Variants in EXOC4 observed in about 807,000 individuals in gnomAD.
EXOC4 encodes exocyst complex component 4, also known as SEC8-like 1.
A neutral mutation model predicts 107.2 loss-of-function variants in EXOC4; 71 were observed. The observed-to-expected ratio is 0.66, with a 90% CI of 0.55 to 0.81. The LOEUF (loss-of-function observed/expected upper bound fraction) is 0.81, where lower values mean the gene tolerates loss of function less well. Ranked by LOEUF, EXOC4 falls within the 30% of genes least tolerant of loss-of-function variation. The probability of loss-of-function intolerance (pLI) is 0.00; values close to 1 mark genes in which losing one functional copy is unlikely to be tolerated. For synonymous variants in EXOC4, 456 were observed against 441.2 expected (o/e 1.03, Z -0.42); for missense variants, 1,108 against 1,189.6 (o/e 0.93, Z 1.01).
At chr7:133,589,058 T>C (rs1801479358) in intron 9 of EXOC4, among the ~76,000 whole-genome samples, 1 of 152,110 alleles carries the variant, frequency 6.6e-6, no homozygotes, top group Non-Finnish European at 1.5e-5. Flanking sequence ...ATATAAACTT[T>C]ATTTCTCAAC....
At position 133,997,545 on chromosome 7, in the gene EXOC4, G is replaced by A. The variant is rs983563008; in HGVS notation, c.2260G>A (p.Glu754Lys). The A allele has an allele frequency of 6.2e-7, 1 of 1,613,786 alleles. No homozygotes were observed. The highest frequency in any genetic ancestry group is 8.5e-7 in the Non-Finnish European group (1 of 1,179,826). Residue 754 changes from glutamate to lysine, a missense_variant, in exon 15 of 18, where the codon GAG (glutamate) becomes AAG (lysine). Coordinates refer to ENST00000253861, the MANE Select transcript of EXOC4 (RefSeq NM_021807.4). ...HTNTDLPPVS[E>K]QIMQTLSELA... ...GAACACGGATCTCCCCCCAGTGTCAGAGCAGATCATGCAGACTCTCAGTGA... is the reference window on the plus strand; with the variant it reads ...GAACACGGATCTCCCCCCAGTGTCAAAGCAGATCATGCAGACTCTCAGTGA...
intron 14 of EXOC4, among the ~76,000 whole-genome samples, chr7:133,986,152 A>G (rs552480951): frequency 6.6e-6 from 1 of 152,366 alleles, no homozygotes; most frequent in South Asian, 2.1e-4. Flanking sequence ...TGCAATCAGA[A>G]TATCAATGAG....
intron 10 of EXOC4, among the ~76,000 whole-genome samples, chr7:133,810,533 A>G (rs1797196501): frequency 1.3e-5 from 2 of 152,132 alleles, no homozygotes; most frequent in Non-Finnish European, 2.9e-5. Context: ...GAGAATCTGA[A>G]AAGGAAAGCT....
At chr7:133,636,019 T>C (rs1802698487) in intron 10 of EXOC4, among the ~76,000 whole-genome samples, 1 of 152,174 alleles carries the variant, frequency 6.6e-6, no homozygotes, top group Admixed American at 6.5e-5. Context: ...AGGAGTTTTG[T>C]GCATTGTATG....
At chr7:133,793,779 G>A (rs1320550138) in intron 10 of EXOC4, among the ~76,000 whole-genome samples, 1 of 152,096 alleles carries the variant, frequency 6.6e-6, no homozygotes, top group Non-Finnish European at 1.5e-5. Flanking sequence ...AGGAAGCAGA[G>A]GCTGCAGTGA....
In EXOC4 at chr7:133,769,938, A is replaced by G. The variant is rs923174971; in HGVS notation, c.1515-47387A>G. Among the ~76,000 whole-genome samples the G allele has an allele frequency of 3.3e-5, 5 of 151,844 alleles. No homozygotes were observed. The East Asian group carries it at 7.7e-4, about 23-fold the overall frequency. On this transcript the variant is annotated intron_variant, in intron 10 of 17. Transcript: ENST00000253861. ...CAAGTGCCTCGGTTTTGCTAGCCTC[A>G]TCTGCTGTTTTTAAATGTCAGCCTC... is the stretch of plus-strand genomic sequence containing the variant.
At chr7:133,573,502 A>G (rs1801067001) in intron 9 of EXOC4, among the ~76,000 whole-genome samples, 1 of 152,190 alleles carries the variant, frequency 6.6e-6, no homozygotes, top group African/African-American at 2.4e-5. Context: ...AGGTATCACC[A>G]GAGGCAGCTT....
intron 3 of EXOC4, among the ~76,000 whole-genome samples, chr7:133,294,557 G>A (rs1794476760): frequency 6.6e-6 from 1 of 151,942 alleles, no homozygotes; most frequent in Admixed American, 6.6e-5. Flanking sequence ...CTTTTAAAAA[G>A]AATCCATAGC....
chr7:133,521,115 C>A (rs1259446429), intron 9 of EXOC4, among the ~76,000 whole-genome samples: 1 of 152,064 alleles, frequency 6.6e-6, no homozygotes, highest in Admixed American at 6.6e-5. Flanking sequence ...TTCAAAATGA[C>A]GTTTGTATCT....
chr7:133,490,895 T>G (rs1799359680), intron 9 of EXOC4, among the ~76,000 whole-genome samples: 1 of 152,226 alleles, frequency 6.6e-6, no homozygotes, highest in Non-Finnish European at 1.5e-5. Flanking sequence ...TAACTTTGTT[T>G]TAAATGCACT....
chr7:133,622,859 T>TA, intron 9 of EXOC4, among the ~76,000 whole-genome samples: 1 of 152,182 alleles, frequency 6.6e-6, no homozygotes, highest in Admixed American at 6.5e-5. Context: ...CATAAAATGA[T>TA]ACTAAGCACA....
chr7:133,655,333 A>G (rs1298396223), intron 10 of EXOC4, among the ~76,000 whole-genome samples: 2 of 152,106 alleles, frequency 1.3e-5, no homozygotes, highest in Non-Finnish European at 2.9e-5. Context: ...TGTCATTTCT[A>G]TGTGGTGGTT....
At chr7:133,303,240 C>T (rs1794680065) in intron 3 of EXOC4, among the ~76,000 whole-genome samples, 1 of 152,124 alleles carries the variant, frequency 6.6e-6, no homozygotes, top group Non-Finnish European at 1.5e-5. Context: ...TGAGACCAGC[C>T]TGGCCAACAT....
At chr7:133,705,753 G>T (rs546132630) in intron 10 of EXOC4, among the ~76,000 whole-genome samples, 1 of 152,162 alleles carries the variant, frequency 6.6e-6, no homozygotes, top group East Asian at 1.9e-4. Context: ...AGCGTAAAAC[G>T]CACGGATACA....
chr7:133,493,512 G>A (rs184223942), intron 9 of EXOC4, among the ~76,000 whole-genome samples: 9 of 152,260 alleles, frequency 5.9e-5, no homozygotes, highest in East Asian at 3.9e-4. Context: ...TATTTTACCC[G>A]TAACCTGTAG....
At chr7:133,460,910 C>T (rs974425810) in intron 7 of EXOC4, among the ~76,000 whole-genome samples, 1 of 152,082 alleles carries the variant, frequency 6.6e-6, no homozygotes, top group African/African-American at 2.4e-5. Flanking sequence ...CTGCTCAAGT[C>T]GTGTTGGGAG....
chr7:133,947,388 G>A (rs190130806), intron 14 of EXOC4, among the ~76,000 whole-genome samples: 1 of 152,282 alleles, frequency 6.6e-6, no homozygotes, highest in East Asian at 1.9e-4. Flanking sequence ...AGTAAATCAT[G>A]GCTCTCACTC....
chr7:133,858,267 C>T (rs1000133571), intron 11 of EXOC4, among the ~76,000 whole-genome samples: 1 of 152,160 alleles, frequency 6.6e-6, no homozygotes, highest in Admixed American at 6.5e-5. Context: ...CAGAACAGCT[C>T]TCAGCAGAGA....
intron 17 of EXOC4, among the ~76,000 whole-genome samples, chr7:134,057,144 G>A (rs535502216): frequency 3.4e-4 from 52 of 152,190 alleles, no homozygotes; most frequent in Middle Eastern, 3.4e-3. Context: ...GGGTAGGTGC[G>A]TGCATGTGTC....
Sources: allele counts gnomAD v4.1 joint callset (sites outside exome capture counted in the v4.1 genomes callset), GRCh38; gene constraint gnomAD v4.1.1; transcripts MANE v1.5; gene names NCBI Gene and HGNC (gene_info 2026-07-23, HGNC 2026-07-21).